Variants in ZNF385B observed in about 807,000 individuals in gnomAD.
ZNF385B encodes zinc finger protein 385B, also known as zinc finger protein 533.
Under a neutral mutation model 39.2 loss-of-function variants are expected in ZNF385B, and 23 were observed. The observed-to-expected ratio is 0.59, with a 90% CI of 0.42 to 0.83. The LOEUF (loss-of-function observed/expected upper bound fraction) is 0.83. ZNF385B is among the 40% of genes least tolerant of loss of function. The probability of loss-of-function intolerance (pLI) is 0.00; values close to 1 mark genes in which losing one functional copy is unlikely to be tolerated. For missense variants in ZNF385B, 552 were observed against 598.9 expected (o/e 0.92, Z 0.82); for synonymous variants, 205 against 222.6 (o/e 0.92, Z 0.70).
intron 9 of ZNF385B, 57 bp from the exon 10 acceptor site, chr2:179,443,525 C>A: frequency 7.7e-7 from 1 of 1,306,892 alleles, no homozygotes; most frequent in Non-Finnish European, 1.1e-6. Flanking sequence ...AATAACAGCA[C>A]CACAGGCATC....
intron 3 of ZNF385B, among the ~76,000 whole-genome samples, chr2:179,760,305 G>C (rs148617050): frequency 0.031 from 4,631 of 151,084 alleles, 93 homozygotes; most frequent in Middle Eastern, 0.085. Context: ...CTCTCATGTT[G>C]CAGTTTTGTA....
chr2:179,603,695 A>T (rs1688582198), intron 3 of ZNF385B, among the ~76,000 whole-genome samples: 1 of 152,192 alleles, frequency 6.6e-6, no homozygotes, highest in Non-Finnish European at 1.5e-5. Flanking sequence ...TTGACCCATG[A>T]TAAAAACAGA....
intron 1 of ZNF385B, among the ~76,000 whole-genome samples, chr2:179,839,259 A>G (rs759170949): frequency 6.6e-6 from 1 of 151,960 alleles, no homozygotes; most frequent in East Asian, 1.9e-4. Flanking sequence ...ACTCCAATTA[A>G]CCTCCCAACA....
chr2:179,737,865 C>T (rs573784116), intron 3 of ZNF385B, among the ~76,000 whole-genome samples: 41 of 152,250 alleles, frequency 2.7e-4, no homozygotes, highest in South Asian at 1.5e-3. Flanking sequence ...GGTGGAGCTG[C>T]GCTTTGAATG....
chr2:179,760,540 T>C (rs1703319700), intron 3 of ZNF385B, among the ~76,000 whole-genome samples: 1 of 152,194 alleles, frequency 6.6e-6, no homozygotes, highest in Non-Finnish European at 1.5e-5. Flanking sequence ...GTAGTATTCC[T>C]TAGTACAGAT....
chr2:179,725,917 T>C (rs1700985259), intron 3 of ZNF385B, among the ~76,000 whole-genome samples: 1 of 142,392 alleles, frequency 7.0e-6, no homozygotes, highest in African/African-American at 2.7e-5. Context: ...TGTGTATATA[T>C]ATATATATAT....
intron 6 of ZNF385B, among the ~76,000 whole-genome samples, chr2:179,463,148 A>C (rs1440033585): frequency 6.6e-6 from 1 of 152,048 alleles, no homozygotes; most frequent in Non-Finnish European, 1.5e-5. Flanking sequence ...ATGCAGATAA[A>C]ACTTCTGCAT....
chr2:179,593,393 G>A (rs957635637), intron 3 of ZNF385B, among the ~76,000 whole-genome samples: 8 of 152,136 alleles, frequency 5.3e-5, no homozygotes, highest in African/African-American at 1.2e-4. Flanking sequence ...CAAGGAATAC[G>A]TTTGATGAAA....
intron 6 of ZNF385B, among the ~76,000 whole-genome samples, chr2:179,481,979 A>G (rs1574366010): frequency 6.6e-6 from 1 of 152,184 alleles, no homozygotes; most frequent in African/African-American, 2.4e-5. Context: ...ACAGAGGGAG[A>G]CATACTATGT....
chr2:179,555,712 C>T (rs1291992316), intron 3 of ZNF385B, among the ~76,000 whole-genome samples: 2 of 148,944 alleles, frequency 1.3e-5, no homozygotes, highest in Admixed American at 6.7e-5. Context: ...AATGCTGATG[C>T]TTCCTTGCTG....
chr2:179,446,960 C>T (rs1249884551), intron 6 of ZNF385B, among the ~76,000 whole-genome samples, 190 bp from the exon 7 acceptor site: 1 of 152,136 alleles, frequency 6.6e-6, no homozygotes, highest in East Asian at 1.9e-4. Context: ...CATCAGTTTC[C>T]ATATTAGGTC....
rs1327609813 is a variant in ZNF385B, at chr2:179,765,239, T to G, written c.298+4264A>C. 2.0e-5 allele frequency among the ~76,000 whole-genome samples: 3 copies of G among 152,334 alleles called. No homozygotes were observed. In the East Asian group the frequency reaches 5.8e-4, roughly 29 times the overall value. ...TCAAAGCTCCAAGATTCATTTTCAT[T>G]TCCTTTCTAGTTGAAAATTTTCCTT... On this transcript the variant is annotated intron_variant, in intron 3 of 9. Transcript: ENST00000410066.
intron 3 of ZNF385B, among the ~76,000 whole-genome samples, chr2:179,578,111 T>C (rs1477922448): frequency 6.6e-6 from 1 of 152,118 alleles, no homozygotes; most frequent in East Asian, 1.9e-4. Flanking sequence ...ATTGATAGAT[T>C]CTTTGGATAA....
chr2:179,581,006 G>C (rs1261717500), intron 3 of ZNF385B, among the ~76,000 whole-genome samples: 2 of 152,146 alleles, frequency 1.3e-5, no homozygotes, highest in African/African-American at 4.8e-5. Context: ...ACTTTCCCTG[G>C]AATGAAACTG....
chr2:179,848,164 G>T (rs987390144), intron 1 of ZNF385B, among the ~76,000 whole-genome samples: 1 of 152,174 alleles, frequency 6.6e-6, no homozygotes, highest in Admixed American at 6.5e-5. Flanking sequence ...AGAGAAATGG[G>T]CTCAGGGCAA....
intron 3 of ZNF385B, among the ~76,000 whole-genome samples, chr2:179,750,643 A>G (rs201212080): frequency 2.0e-5 from 3 of 152,126 alleles, no homozygotes; most frequent in East Asian, 1.9e-4. Context: ...ACTAAAAACC[A>G]TAAGTCATAT....
intron 1 of ZNF385B, among the ~76,000 whole-genome samples, chr2:179,838,912 T>C (rs940871370): frequency 7.5e-6 from 1 of 133,988 alleles, no homozygotes; most frequent in Non-Finnish European, 1.6e-5. Context: ...GAGTTATTAC[T>C]GTAAACCAAA....
chr2:179,724,964 A>G (rs1055838576), intron 3 of ZNF385B, among the ~76,000 whole-genome samples: 3 of 152,148 alleles, frequency 2.0e-5, no homozygotes, highest in African/African-American at 7.2e-5. Flanking sequence ...TAAATTCTAA[A>G]TCTATGTTGC....
At chr2:179,741,528 A>G (rs1177613997) in intron 3 of ZNF385B, among the ~76,000 whole-genome samples, 1 of 152,126 alleles carries the variant, frequency 6.6e-6, no homozygotes, top group Non-Finnish European at 1.5e-5. Context: ...AATATCTAAG[A>G]GTAACATTCA....
Sources: gnomAD v4.1 joint callset for allele counts (sites outside exome capture counted in the v4.1 genomes callset) on GRCh38, gnomAD v4.1.1 for gene constraint, MANE v1.5 for transcripts, NCBI Gene and HGNC (gene_info 2026-07-23, HGNC 2026-07-21) for gene names.